The following ITGA9 variants were observed in gnomAD, a reference collection of about 807,000 sequenced individuals.
ITGA9 encodes integrin subunit alpha 9.
ITGA9 carries 56 observed loss-of-function variants against 127.8 expected under a neutral mutation model. That is an observed-to-expected ratio of 0.44 (90% CI 0.35 to 0.55). The LOEUF is 0.55. Ranked by LOEUF, ITGA9 falls within the 20% of genes least tolerant of loss-of-function variation. The pLI, the probability that ITGA9 is intolerant of heterozygous loss-of-function variation, is 0.00. For missense variants in ITGA9, 1,196 were observed against 1,347.1 expected (o/e 0.89, Z 1.76); for synonymous variants, 508 against 514.5 (o/e 0.99, Z 0.17).
chr3:37,530,507 G>A (rs1320382857), intron 13 of ITGA9, among the ~76,000 whole-genome samples: 3 of 152,128 alleles, frequency 2.0e-5, no homozygotes, highest in Admixed American at 2.0e-4. Context: ...GCTCCCTGGA[G>A]ATAGGTGGCC....
At chr3:37,592,047 C>T (rs1271408280) in intron 15 of ITGA9, among the ~76,000 whole-genome samples, 1 of 152,010 alleles carries the variant, frequency 6.6e-6, no homozygotes, top group Admixed American at 6.5e-5. Context: ...CCTCTGCCTT[C>T]CCTCCCCACG....
chr3:37,774,447 T>G (rs1236022814), intron 23 of ITGA9, among the ~76,000 whole-genome samples: 1 of 150,706 alleles, frequency 6.6e-6, no homozygotes, highest in Non-Finnish European at 1.5e-5. Flanking sequence ...ATAATCCCAG[T>G]GCTTTGGAAG....
chr3:37,612,631 C>T (rs35093112), intron 15 of ITGA9, among the ~76,000 whole-genome samples: 44 of 152,196 alleles, frequency 2.9e-4, no homozygotes, highest in Non-Finnish European at 3.7e-4. Flanking sequence ...CCACAGATGC[C>T]CTGAATTCTC....
chr3:37,797,437 T>C (rs1241804389), intron 26 of ITGA9, among the ~76,000 whole-genome samples: 3 of 152,166 alleles, frequency 2.0e-5, no homozygotes, highest in Admixed American at 6.5e-5. Context: ...ACTGGGATGC[T>C]ATAGGAGGTT....
intron 15 of ITGA9, among the ~76,000 whole-genome samples, chr3:37,547,344 G>A (rs542827154): frequency 6.6e-6 from 1 of 152,236 alleles, no homozygotes; most frequent in African/African-American, 2.4e-5. Context: ...GCTTTTGTGG[G>A]CAGATGCTCA....
intron 18 of ITGA9, among the ~76,000 whole-genome samples, chr3:37,717,613 T>C: frequency 6.6e-6 from 1 of 152,062 alleles, no homozygotes. Context: ...CACACACTTT[T>C]AAACCTTCAG....
At chr3:37,616,271 G>A (rs527812283) in intron 15 of ITGA9, among the ~76,000 whole-genome samples, 141 of 152,254 alleles carry the variant, frequency 9.3e-4, no homozygotes, top group African/African-American at 3.3e-3. Flanking sequence ...GTAGTTGAGC[G>A]GTTTTGAGTG....
intron 13 of ITGA9, among the ~76,000 whole-genome samples, chr3:37,530,605 G>A (rs1471602461): frequency 1.3e-5 from 2 of 152,024 alleles, no homozygotes; most frequent in Admixed American, 6.5e-5. Context: ...GAAGGCCAAG[G>A]CACCTTGAGC....
At chr3:37,736,420 G>A (rs764248737) in intron 19 of ITGA9, among the ~76,000 whole-genome samples, 22 of 152,306 alleles carry the variant, frequency 1.4e-4, no homozygotes, top group Non-Finnish European at 2.4e-4. Flanking sequence ...ACAGAGTTCA[G>A]CATTGCTCTG....
chr3:37,558,134 T>C (rs1188029834), intron 15 of ITGA9, among the ~76,000 whole-genome samples: 9 of 152,226 alleles, frequency 5.9e-5, no homozygotes, highest in Non-Finnish European at 1.3e-4. Flanking sequence ...GAAAGCTCAA[T>C]GTGGGTCTGT....
In ITGA9 at chr3:37,452,934, C is replaced by T. The variant is rs924531237; in HGVS notation, c.185+375C>T. On this transcript the variant is annotated intron_variant, in intron 1 of 27. Coordinates refer to ENST00000264741, the MANE Select transcript of ITGA9 (RefSeq NM_002207.3). This position sits in a 1 kb window ranked among gnomAD's most constrained non-coding sequence, Gnocchi z 7.3. ...CTCCGGGCGGCCGCCGCTGGCCCAG[C>T]GAGCCTCCTGAACCTCGCAGGGCCT... is the stretch of plus-strand genomic sequence containing the variant. 1.3e-5 allele frequency among the ~76,000 whole-genome samples: 2 copies of T among 152,200 alleles called. No homozygotes were observed. The highest frequency in any genetic ancestry group is 6.5e-5 in the Admixed American group (1 of 15,290).
intron 15 of ITGA9, among the ~76,000 whole-genome samples, chr3:37,581,063 G>T (rs528818279): frequency 6.6e-6 from 1 of 152,286 alleles, no homozygotes; most frequent in African/African-American, 2.4e-5. Flanking sequence ...GGCTACATAG[G>T]CTAAACTAAG....
chr3:37,516,026 A>T (rs749327452), intron 9 of ITGA9, among the ~76,000 whole-genome samples: 1 of 152,188 alleles, frequency 6.6e-6, no homozygotes. Flanking sequence ...TAAATAAATG[A>T]GTGCTGTGGG....
At chr3:37,776,316 G>A (rs977797814) in intron 23 of ITGA9, among the ~76,000 whole-genome samples, 7 of 151,924 alleles carry the variant, frequency 4.6e-5, no homozygotes, top group Admixed American at 4.6e-4. Context: ...ACCTGCACAT[G>A]TACTCCCAAA....
chr3:37,476,594 T>G (rs1698497631), intron 3 of ITGA9, among the ~76,000 whole-genome samples: 1 of 152,168 alleles, frequency 6.6e-6, no homozygotes, highest in African/African-American at 2.4e-5. Context: ...TGGGCAGTCT[T>G]GCTAGGAAAG....
intron 23 of ITGA9, among the ~76,000 whole-genome samples, chr3:37,774,656 G>C (rs115452443): frequency 0.02 from 3,091 of 152,118 alleles, 111 homozygotes; most frequent in African/African-American, 0.07. Context: ...GAGCCCAGGA[G>C]GTTGAAGCTG....
At chr3:37,604,616 A>G (rs911494335) in intron 15 of ITGA9, among the ~76,000 whole-genome samples, 7 of 152,208 alleles carry the variant, frequency 4.6e-5, no homozygotes, top group African/African-American at 1.7e-4. Context: ...TGTAGAAATC[A>G]CGTGCTTAGT....
Position 37,473,600 on chromosome 3 carries a change from ATCT to A in ITGA9, c.420+145_420+147del, listed in dbSNP as rs1698460579. 10 of 589,680 alleles carry A rather than the reference ATCT, an allele frequency of 1.7e-5. No homozygotes were observed. The South Asian group carries it at 2.0e-4, about 12-fold the overall frequency. The allele number at this position is 589,680 out of a possible 1,614,324, so 36.5% of individuals were successfully genotyped here. A position where few individuals can be genotyped will look rare whatever the true frequency, so the allele number is the denominator to read the frequency against. ...GGACTACTGCTTAGACAAATGACTTATCTTCTTATTTTCTTTATCTGTCAAATG... is the reference window on the plus strand; with the variant it reads ...GGACTACTGCTTAGACAAATGACTTATCTTATTTTCTTTATCTGTCAAATG... On this transcript the variant is annotated intron_variant, in intron 3 of 27. Transcript: ENST00000264741.
At chr3:37,761,176 T>G (rs1226124344) in intron 23 of ITGA9, among the ~76,000 whole-genome samples, 1 of 152,192 alleles carries the variant, frequency 6.6e-6, no homozygotes, top group African/African-American at 2.4e-5. Context: ...TAAAATGAGG[T>G]TTTTCTCCTC....
Sources: allele counts gnomAD v4.1 joint callset (sites outside exome capture counted in the v4.1 genomes callset), GRCh38; gene constraint gnomAD v4.1.1; non-coding constraint Gnocchi (gnomAD v3.1); transcripts MANE v1.5; gene names NCBI Gene and HGNC (gene_info 2026-07-23, HGNC 2026-07-21).